CHN2: variants seen among roughly 807,000 people sequenced by gnomAD.
CHN2 encodes the protein chimerin 2.
Under a neutral mutation model 56.3 loss-of-function variants are expected in CHN2, and 35 were observed. The observed-to-expected ratio is 0.62, with a 90% confidence interval of 0.47 to 0.82. CHN2 has a LOEUF of 0.82. CHN2 is among the 40% of genes least tolerant of loss of function. The pLI is 0.00. For missense variants in CHN2, 491 were observed against 580.5 expected (o/e 0.85, Z 1.58); for synonymous variants, 210 against 212.8 (o/e 0.99, Z 0.12).
chr7:29,229,389 T>C (rs562954956), intron 1 of CHN2, among the ~76,000 whole-genome samples: 1 of 152,264 alleles, frequency 6.6e-6, no homozygotes, highest in South Asian at 2.1e-4. Context: ...GTAAACATTT[T>C]TATGTTTTGC....
At chr7:29,236,201 G>A (rs549201105) in intron 1 of CHN2, among the ~76,000 whole-genome samples, 1 of 152,358 alleles carries the variant, frequency 6.6e-6, no homozygotes, top group African/African-American at 2.4e-5. Flanking sequence ...AGCCTGAGGG[G>A]AAGAGTAGAA....
intron 3 of CHN2, among the ~76,000 whole-genome samples, chr7:29,390,139 T>C (rs1317166464): frequency 6.6e-6 from 1 of 151,606 alleles, no homozygotes; most frequent in African/African-American, 2.4e-5. Flanking sequence ...GAAGGACCCA[T>C]TTCATGTGTT....
At chr7:29,380,501 T>A (rs547208966) in intron 3 of CHN2, among the ~76,000 whole-genome samples, 3 of 152,326 alleles carry the variant, frequency 2.0e-5, no homozygotes, top group East Asian at 3.9e-4. Flanking sequence ...TTCTTTTTCT[T>A]TAGGTAGATT....
At chr7:29,290,821 A>G (rs772372179) in intron 1 of CHN2, among the ~76,000 whole-genome samples, 11 of 152,188 alleles carry the variant, frequency 7.2e-5, no homozygotes, top group Non-Finnish European at 1.5e-4. Flanking sequence ...AGGCACAGTG[A>G]GAGACCAATG....
chr7:29,195,147 C>A, intron 1 of CHN2, 157 bp downstream of exon 1: 1 of 676,438 alleles, frequency 1.5e-6, no homozygotes, highest in Non-Finnish European at 2.3e-6. Flanking sequence ...GGTTCGCCAG[C>A]ACCTCGGTGC....
chr7:29,253,742 A>G (rs1480885066), intron 1 of CHN2, among the ~76,000 whole-genome samples: 2 of 152,218 alleles, frequency 1.3e-5, no homozygotes, highest in African/African-American at 4.8e-5. Context: ...CTTACTAGGT[A>G]TAAAATTCTG....
chr7:29,312,331 T>C (rs1474895214), intron 1 of CHN2, among the ~76,000 whole-genome samples: 3 of 152,186 alleles, frequency 2.0e-5, no homozygotes, highest in African/African-American at 7.2e-5. Context: ...CTTCTTAATT[T>C]CCGTTCCCCT....
chr7:29,507,089 A>G, intron 10 of CHN2, 139 bp from the exon 11 acceptor site: 1 of 682,554 alleles, frequency 1.5e-6, no homozygotes, highest in Non-Finnish European at 2.3e-6. Context: ...CCTACACTTC[A>G]GTGTTACTAG....
chr7:29,298,585 C>CA lies in CHN2; in HGVS notation c.50-56035dup, dbSNP rs368056594. 5.1e-3 allele frequency among the ~76,000 whole-genome samples: 776 copies of CA among 152,222 alleles called. 6 individuals are homozygous for CA. Among genetic ancestry groups the CA allele is most frequent in the African/African-American group, 0.018 (729 of 41,540 alleles). Reference sequence around the variant, plus strand: ...GTTAGCTCCCTTGCTTTCATTTTCCCAAAAAGGAAACCTCCGAGTAATGGG... The same window carrying CA: ...GTTAGCTCCCTTGCTTTCATTTTCCCAAAAAAGGAAACCTCCGAGTAATGGG... On this transcript the variant is annotated intron_variant, in intron 1 of 12. Coordinates refer to ENST00000222792, the MANE Select transcript of CHN2 (RefSeq NM_004067.4).
At chr7:29,322,377 A>C (rs1200119764) in intron 1 of CHN2, among the ~76,000 whole-genome samples, 1 of 152,166 alleles carries the variant, frequency 6.6e-6, no homozygotes, top group Non-Finnish European at 1.5e-5. Flanking sequence ...CCAGGTTACA[A>C]ATTCTAAACC....
intron 6 of CHN2, among the ~76,000 whole-genome samples, chr7:29,403,176 T>C (rs556403993): frequency 2.5e-4 from 38 of 152,290 alleles, no homozygotes; most frequent in African/African-American, 9.1e-4. Flanking sequence ...CGTTTCTCTC[T>C]GACCTATATT....
intron 1 of CHN2, among the ~76,000 whole-genome samples, chr7:29,345,646 G>A (rs1250983634): frequency 1.3e-5 from 2 of 152,138 alleles, no homozygotes; most frequent in Non-Finnish European, 2.9e-5. Flanking sequence ...AGATCGTGCA[G>A]AGTTTCGTAA....
At chr7:29,408,688 A>G (rs2128094320) in intron 6 of CHN2, among the ~76,000 whole-genome samples, 1 of 152,330 alleles carries the variant, frequency 6.6e-6, no homozygotes, top group East Asian at 1.9e-4. Context: ...TGAAGGGGCA[A>G]GGAAAAGTTA....
At chr7:29,486,300 G>A (rs555555996) in intron 7 of CHN2, among the ~76,000 whole-genome samples, 3 of 152,234 alleles carry the variant, frequency 2.0e-5, no homozygotes, top group Admixed American at 1.3e-4. Context: ...TTGAGCTTTC[G>A]GAGCCCTCTC....
In CHN2 at chr7:29,167,453, C is replaced by T. The variant is rs139041587; in HGVS notation, c.274+20493C>T. 1.7e-3 allele frequency among the ~76,000 whole-genome samples: 263 copies of T among 152,246 alleles called. 7 individuals carry two copies. In the East Asian group the frequency reaches 0.047, roughly 27 times the overall value. ...TTTTTGCTTGTTTGATTCGCTGGTACAAACAGTGCTTCTATGACCATATTT... is the reference window on the plus strand; with the variant it reads ...TTTTTGCTTGTTTGATTCGCTGGTATAAACAGTGCTTCTATGACCATATTT... On this transcript the variant is annotated intron_variant, in intron 2 of 6. Transcript: ENST00000439384.
intron 1 of CHN2, among the ~76,000 whole-genome samples, chr7:29,345,141 T>C (rs908358392): frequency 1.3e-5 from 2 of 152,120 alleles, no homozygotes; most frequent in South Asian, 4.1e-4. Context: ...AGGAAACATC[T>C]TCTCTACACA....
chr7:29,302,977 G>A lies in CHN2; in HGVS notation c.50-51648G>A, dbSNP rs141832524. 2.2e-3 allele frequency among the ~76,000 whole-genome samples: 332 copies of A among 151,884 alleles called. 1 individual carries two copies. The highest frequency in any genetic ancestry group is 7.3e-3 in the African/African-American group (304 of 41,518). ...TTCCATTATACACACGTATACACAT[G>A]TGATTAAATAGTATTCAGCTTAGAG... On this transcript the variant is annotated intron_variant, in intron 1 of 12. Transcript: ENST00000222792.
chr7:29,303,077 G>T (rs56301345), intron 1 of CHN2, among the ~76,000 whole-genome samples: 37,490 of 152,012 alleles, frequency 0.25, 5,319 homozygotes, highest in Non-Finnish European at 0.33. Flanking sequence ...TCACATCAGG[G>T]GCAACAGGCT....
chr7:29,223,183 C>G (rs1785933983), intron 1 of CHN2, among the ~76,000 whole-genome samples: 2 of 152,096 alleles, frequency 1.3e-5, no homozygotes, highest in South Asian at 4.1e-4. Context: ...GAATTGCTAA[C>G]ATGTAAAAGA....
Sources: gnomAD v4.1 joint callset for allele counts (sites outside exome capture counted in the v4.1 genomes callset) on GRCh38, gnomAD v4.1.1 for gene constraint, MANE v1.5 for transcripts, NCBI Gene and HGNC (gene_info 2026-07-23, HGNC 2026-07-21) for gene names.